Variants in ARL15 observed in about 807,000 individuals in gnomAD.
The protein encoded by ARL15 is ADP-ribosylation factor-like protein 15.
In ARL15, 19 loss-of-function variants were observed where a neutral mutation model predicts 25.2. The ratio of observed to expected loss-of-function variants is 0.75; its 90% confidence interval spans 0.53 to 1.10. The LOEUF (loss-of-function observed/expected upper bound fraction) is 1.10, where lower values mean the gene tolerates loss of function less well. Ranked by LOEUF, ARL15 falls within the 50% of genes least tolerant of loss-of-function variation. ARL15 has a pLI of 0.00. For synonymous variants in ARL15, 94 were observed against 86.8 expected (o/e 1.08, Z -0.46); for missense variants, 220 against 246.0 (o/e 0.89, Z 0.71).
chr5:54,050,567 A>G (rs1750675835), intron 4 of ARL15, among the ~76,000 whole-genome samples: 1 of 152,188 alleles, frequency 6.6e-6, no homozygotes, highest in Non-Finnish European at 1.5e-5. Context: ...TTCTGAATTA[A>G]AGAATTTTGC....
At chr5:54,168,813 C>CT (rs1754646157) in intron 2 of ARL15, among the ~76,000 whole-genome samples, 1 of 152,154 alleles carries the variant, frequency 6.6e-6, no homozygotes, top group South Asian at 2.1e-4. Context: ...TCACTCTCCT[C>CT]TTTTAACTTT....
intron 4 of ARL15, among the ~76,000 whole-genome samples, chr5:53,899,895 A>C (rs1745007553): frequency 6.6e-6 from 1 of 152,166 alleles, no homozygotes; most frequent in South Asian, 2.1e-4. Context: ...AGTCCTCCTT[A>C]CTTTTTTCCT....
At chr5:53,890,012 C>A (rs1425365447) in intron 4 of ARL15, among the ~76,000 whole-genome samples, 2 of 152,104 alleles carry the variant, frequency 1.3e-5, no homozygotes, top group African/African-American at 4.8e-5. Context: ...AGAATTTCAC[C>A]ACGTTGGCCA....
intron 4 of ARL15, among the ~76,000 whole-genome samples, chr5:53,917,448 C>T (rs1323105947): frequency 6.6e-6 from 1 of 152,096 alleles, no homozygotes; most frequent in Non-Finnish European, 1.5e-5. Flanking sequence ...TCCCTCAATC[C>T]CTCAACATTA....
chr5:53,936,692 A>T (rs993258062), intron 4 of ARL15, among the ~76,000 whole-genome samples: 36 of 152,168 alleles, frequency 2.4e-4, no homozygotes, highest in African/African-American at 8.4e-4. Context: ...GGAATGTAGA[A>T]TTTTGAAATT....
chr5:54,205,770 G>A (rs958468299), intron 1 of ARL15, among the ~76,000 whole-genome samples: 2 of 152,088 alleles, frequency 1.3e-5, no homozygotes, highest in African/African-American at 4.8e-5. Context: ...AGGAACTCCT[G>A]GTCAAAGGCA....
At position 54,266,315 on chromosome 5, in the gene ARL15, A is replaced by G. The variant is rs527479637; in HGVS notation, c.48+44117T>C. On this transcript the variant is annotated intron_variant, in intron 1 of 4. Transcript: ENST00000504924. ...GTACATAATAGATGACCTTGGGACC[A>G]GCTTCTGCCTGCTTTGTAGGCAAAG... is the stretch of plus-strand genomic sequence containing the variant. Among the ~76,000 whole-genome samples the G allele has an allele frequency of 9.2e-5, 14 of 152,352 alleles. No homozygotes were observed. The South Asian group carries it at 2.5e-3, about 27-fold the overall frequency.
intron 1 of ARL15, among the ~76,000 whole-genome samples, chr5:54,209,476 T>C (rs1053282552): frequency 6.6e-6 from 1 of 152,188 alleles, no homozygotes; most frequent in African/African-American, 2.4e-5. Context: ...ATAAGTTCTA[T>C]AAGATTATTT....
At chr5:54,062,519 A>G (rs922880732) in intron 4 of ARL15, among the ~76,000 whole-genome samples, 7 of 142,762 alleles carry the variant, frequency 4.9e-5, no homozygotes, top group Non-Finnish European at 1.1e-4. Flanking sequence ...TGGTTAAGGA[A>G]AAAAAAAAAA....
intron 1 of ARL15, among the ~76,000 whole-genome samples, chr5:54,194,670 G>T (rs893466177): frequency 6.6e-6 from 1 of 152,152 alleles, no homozygotes; most frequent in East Asian, 1.9e-4. Context: ...ATATAGCTTT[G>T]TGGTAACGTG....
intron 1 of ARL15, among the ~76,000 whole-genome samples, chr5:54,273,322 C>T (rs1757839019): frequency 6.6e-6 from 1 of 152,172 alleles, no homozygotes; most frequent in South Asian, 2.1e-4. Flanking sequence ...AACTGGCACC[C>T]TGTGCTCCTG....
At chr5:53,916,145 C>T (rs1437842096) in intron 4 of ARL15, among the ~76,000 whole-genome samples, 1 of 152,114 alleles carries the variant, frequency 6.6e-6, no homozygotes, top group Non-Finnish European at 1.5e-5. Context: ...CTCTCTCAGC[C>T]TTCCAAAGTG....
intron 4 of ARL15, among the ~76,000 whole-genome samples, chr5:53,918,704 A>C (rs962302577): frequency 6.6e-6 from 1 of 152,298 alleles, no homozygotes; most frequent in Admixed American, 6.5e-5. Context: ...AGCTCTTAAA[A>C]TCTGGCTTTA....
intron 4 of ARL15, among the ~76,000 whole-genome samples, chr5:53,911,714 T>C (rs1745471073): frequency 1.3e-5 from 2 of 152,012 alleles, no homozygotes. Context: ...AGACCCCAAG[T>C]CTAATATGTC....
At chr5:53,968,661 C>A (rs1747642793) in intron 4 of ARL15, among the ~76,000 whole-genome samples, 2 of 151,892 alleles carry the variant, frequency 1.3e-5, no homozygotes, top group Admixed American at 6.6e-5. Context: ...ATAGAGCATT[C>A]ATTCATTCAT....
At chr5:54,060,260 CTG>C (rs1047965004) in intron 4 of ARL15, among the ~76,000 whole-genome samples, 2 of 151,940 alleles carry the variant, frequency 1.3e-5, no homozygotes, top group African/African-American at 4.8e-5. Flanking sequence ...TGGTGAAACC[CTG>C]TGTCTACTAT....
chr5:53,977,250 G>A (rs989404202), intron 4 of ARL15, among the ~76,000 whole-genome samples: 3 of 151,656 alleles, frequency 2.0e-5, no homozygotes, highest in Non-Finnish European at 2.9e-5. Context: ...CCAGCTACTC[G>A]GAGGCTGAGG....
chr5:53,958,201 A>AG (rs1403366387), intron 4 of ARL15, among the ~76,000 whole-genome samples: 1 of 152,136 alleles, frequency 6.6e-6, no homozygotes, highest in Non-Finnish European at 1.5e-5. Flanking sequence ...AGAAAAAAAA[A>AG]AAAGACAAAT....
intron 3 of ARL15, among the ~76,000 whole-genome samples, chr5:54,120,400 A>C (rs1183493422): frequency 1.3e-5 from 2 of 152,228 alleles, no homozygotes; most frequent in African/African-American, 2.4e-5. Flanking sequence ...GCACGTGCTA[A>C]GCACTGTACT....
Sources: allele counts gnomAD v4.1 joint callset (sites outside exome capture counted in the v4.1 genomes callset), GRCh38; gene constraint gnomAD v4.1.1; transcripts MANE v1.5; gene names NCBI Gene and HGNC (gene_info 2026-07-23, HGNC 2026-07-21).